Variants in CADM2 observed in about 807,000 individuals in gnomAD.
CADM2 encodes the protein cell adhesion molecule 2, also known as immunoglobulin superfamily member 4D.
A neutral mutation model predicts 49.8 loss-of-function variants in CADM2; 12 were observed. That is an observed-to-expected ratio of 0.24 (90% confidence interval 0.15 to 0.39). CADM2 has a LOEUF of 0.39. Among genes scored for constraint, CADM2 ranks in the 10% least tolerant of loss-of-function variants. CADM2 has a pLI of 1.00. For synonymous variants in CADM2, 214 were observed against 175.4 expected, an observed-to-expected ratio of 1.22 and a Z score of -1.74; for missense variants, 378 against 492.3, an observed-to-expected ratio of 0.77 and a Z score of 2.20.
intron 1 of CADM2, among the ~76,000 whole-genome samples, chr3:85,427,303 A>T (rs536139448): frequency 2.0e-5 from 3 of 151,602 alleles, no homozygotes; most frequent in Non-Finnish European, 4.4e-5. Flanking sequence ...TCCAATAATT[A>T]AACTGGGTGG....
intron 3 of CADM2, among the ~76,000 whole-genome samples, chr3:85,870,158 T>C (rs2075869196): frequency 6.6e-6 from 1 of 152,156 alleles, no homozygotes; most frequent in South Asian, 2.1e-4. Flanking sequence ...CTTGGTAAAA[T>C]TCCTTATATA....
At chr3:86,064,457 G>T (rs1739072491) in intron 8 of CADM2, among the ~76,000 whole-genome samples, 1 of 152,020 alleles carries the variant, frequency 6.6e-6, no homozygotes, top group African/African-American at 2.4e-5. Flanking sequence ...GTCTATCATT[G>T]TTGGACATTT....
At chr3:85,714,501 A>T (rs1409529766) in intron 1 of CADM2, among the ~76,000 whole-genome samples, 2 of 151,792 alleles carry the variant, frequency 1.3e-5, no homozygotes, top group Admixed American at 6.6e-5. Flanking sequence ...ATCTCGGCTC[A>T]CTGCAAGCTC....
chr3:85,984,800 A>G (rs904087304), intron 8 of CADM2, among the ~76,000 whole-genome samples: 27 of 151,998 alleles, frequency 1.8e-4, no homozygotes, highest in Admixed American at 1.8e-3. Context: ...ATTCAAATAT[A>G]GATTTAGTTT....
At chr3:86,059,242 C>A (rs902614597) in intron 8 of CADM2, among the ~76,000 whole-genome samples, 1 of 152,006 alleles carries the variant, frequency 6.6e-6, no homozygotes, top group Non-Finnish European at 1.5e-5. Context: ...ATAGACTAGA[C>A]CCTTGATAGA....
At chr3:84,993,632 A>G (rs2033017467) in intron 1 of CADM2, among the ~76,000 whole-genome samples, 2 of 152,190 alleles carry the variant, frequency 1.3e-5, no homozygotes, top group South Asian at 4.1e-4. Flanking sequence ...ATAGCTTCCT[A>G]GAGTTAAAAT....
At chr3:85,346,181 T>G (rs2030621958) in intron 1 of CADM2, among the ~76,000 whole-genome samples, 1 of 152,208 alleles carries the variant, frequency 6.6e-6, no homozygotes, top group Non-Finnish European at 1.5e-5. Flanking sequence ...AGCTATAATT[T>G]AAATCAACAC....
chr3:85,433,617 A>C (rs1289064463), intron 1 of CADM2, among the ~76,000 whole-genome samples: 2 of 152,164 alleles, frequency 1.3e-5, no homozygotes, highest in East Asian at 3.9e-4. Flanking sequence ...GCTGAGAGAA[A>C]GCATACAACT....
At chr3:86,010,962 T>C (rs1052758714) in intron 8 of CADM2, among the ~76,000 whole-genome samples, 1 of 151,288 alleles carries the variant, frequency 6.6e-6, no homozygotes, top group Non-Finnish European at 1.5e-5. Flanking sequence ...ATATAAGTTA[T>C]AAAAAGTATT....
chr3:86,062,678 C>T (rs1394418254), intron 8 of CADM2, among the ~76,000 whole-genome samples: 2 of 152,086 alleles, frequency 1.3e-5, no homozygotes, highest in African/African-American at 4.8e-5. Flanking sequence ...GTAATCCCAG[C>T]TACTTGGAAG....
At chr3:86,032,683 G>A (rs1171234319) in intron 8 of CADM2, among the ~76,000 whole-genome samples, 1 of 151,742 alleles carries the variant, frequency 6.6e-6, no homozygotes, top group Non-Finnish European at 1.5e-5. Context: ...ATCAGTTATT[G>A]TTTTAGAACT....
chr3:85,564,631 G>A (rs903583368), intron 1 of CADM2, among the ~76,000 whole-genome samples: 12 of 151,908 alleles, frequency 7.9e-5, no homozygotes. Flanking sequence ...ATTCTAGTGT[G>A]GAATTACTAG....
chr3:84,959,013 C>T lies in CADM2; in HGVS notation c.-595C>T. 4.9e-6 allele frequency: 1 copy of T among 202,236 alleles called. No homozygotes were observed. The highest frequency in any genetic ancestry group is 6.8e-5 in the South Asian group (1 of 14,776). The allele number at this position is 202,236 out of a possible 1,614,324, so 12.5% of individuals were successfully genotyped here. On this transcript the variant is annotated 5_prime_UTR_variant, in exon 1 of 10. Coordinates refer to ENST00000383699, the MANE Select transcript of CADM2 (RefSeq NM_001167675.2). ...CGTAGAGCTGCCGCCGTCGCCGCTGCCGCTGCCGCCACAGCCGCCGCTGCA... is the reference window on the plus strand; with the variant it reads ...CGTAGAGCTGCCGCCGTCGCCGCTGTCGCTGCCGCCACAGCCGCCGCTGCA...
intron 1 of CADM2, among the ~76,000 whole-genome samples, chr3:85,100,237 C>T (rs1037601589): frequency 6.6e-6 from 1 of 152,122 alleles, no homozygotes; most frequent in African/African-American, 2.4e-5. Context: ...ATTTTTGTTG[C>T]TATTTTAAAA....
At chr3:86,056,260 C>A (rs1276237094) in intron 8 of CADM2, among the ~76,000 whole-genome samples, 1 of 152,102 alleles carries the variant, frequency 6.6e-6, no homozygotes, top group East Asian at 1.9e-4. Flanking sequence ...TGGAGTTGTT[C>A]AGATTCTTCA....
intron 1 of CADM2, among the ~76,000 whole-genome samples, chr3:85,244,315 C>T (rs1194628636): frequency 1.3e-5 from 2 of 151,992 alleles, no homozygotes; most frequent in Admixed American, 1.3e-4. Flanking sequence ...TGAATAAAAC[C>T]TCAGCCAAAA....
At chr3:85,461,915 T>A (rs1468128325) in intron 1 of CADM2, among the ~76,000 whole-genome samples, 1 of 152,124 alleles carries the variant, frequency 6.6e-6, no homozygotes, top group African/African-American at 2.4e-5. Context: ...CTAATAAAAG[T>A]GTAATGGCTA....
intron 1 of CADM2, among the ~76,000 whole-genome samples, chr3:85,218,588 G>A (rs530386704): frequency 6.6e-6 from 1 of 152,222 alleles, no homozygotes; most frequent in South Asian, 2.1e-4. Flanking sequence ...ATGAGATTAA[G>A]AGATAGAGAC....
chr3:86,068,888 T>C lies in CADM2; in HGVS notation c.*2105T>C, dbSNP rs1739603004. 1 of 152,362 alleles carries C rather than the reference T, an allele frequency of 6.6e-6. No homozygotes were observed. Among genetic ancestry groups the C allele is most frequent in the African/African-American group, 2.4e-5 (1 of 41,430 alleles). 9.4% of individuals were successfully genotyped at this position (152,362 alleles called of 1,614,324 possible). A position where few individuals can be genotyped will look rare whatever the true frequency, so the allele number is the denominator to read the frequency against. On this transcript the variant is annotated 3_prime_UTR_variant, in exon 10 of 10. Coordinates refer to ENST00000383699, the MANE Select transcript of CADM2 (RefSeq NM_001167675.2). ...AAAATGCAATAATATGTTAATATAG[T>C]ATGGTAGTTTGAGAGAATCAGGTAG...
Sources: allele counts gnomAD v4.1 joint callset (sites outside exome capture counted in the v4.1 genomes callset), GRCh38; gene constraint gnomAD v4.1.1; transcripts MANE v1.5; gene names NCBI Gene and HGNC (gene_info 2026-07-23, HGNC 2026-07-21).